Variants in MACROD2 observed in about 807,000 individuals in gnomAD.
MACROD2 encodes the protein ADP-ribose glycohydrolase MACROD2.
MACROD2 carries 36 observed loss-of-function variants against 70.4 expected under a neutral mutation model. The ratio of observed to expected loss-of-function variants is 0.51; its 90% confidence interval spans 0.39 to 0.68. The LOEUF (loss-of-function observed/expected upper bound fraction) is 0.68. MACROD2 is among the 30% of genes least tolerant of loss of function. The pLI, the probability that MACROD2 is intolerant of heterozygous loss-of-function variation, is 0.00. For synonymous variants in MACROD2, 172 were observed against 178.8 expected (o/e 0.96, Z 0.30); for missense variants, 496 against 538.4 (o/e 0.92, Z 0.78).
chr20:15,874,526 C>G (rs2064639145), intron 9 of MACROD2, among the ~76,000 whole-genome samples: 1 of 152,092 alleles, frequency 6.6e-6, no homozygotes, highest in African/African-American at 2.4e-5. Context: ...TTTACACTCC[C>G]ACCAACAGTG....
At chr20:14,048,088 C>T (rs930271720) in intron 2 of MACROD2, among the ~76,000 whole-genome samples, 12 of 151,338 alleles carry the variant, frequency 7.9e-5, no homozygotes, top group Admixed American at 3.3e-4. Flanking sequence ...GTATTGTTAA[C>T]GAACACCATG....
At chr20:14,090,270 T>C (rs750582443) in intron 3 of MACROD2, among the ~76,000 whole-genome samples, 9 of 152,144 alleles carry the variant, frequency 5.9e-5, no homozygotes, top group Admixed American at 6.5e-5. Context: ...TATTCCATTA[T>C]CATAAAAGAA....
chr20:14,144,561 G>C (rs2054920422), intron 3 of MACROD2, among the ~76,000 whole-genome samples: 1 of 152,214 alleles, frequency 6.6e-6, no homozygotes, highest in African/African-American at 2.4e-5. Context: ...AGGAAGGTAT[G>C]ATCCTATTGT....
intron 8 of MACROD2, among the ~76,000 whole-genome samples, chr20:15,854,126 C>T (rs1157159229): frequency 6.6e-6 from 1 of 152,086 alleles, no homozygotes; most frequent in Non-Finnish European, 1.5e-5. Context: ...GGTAGTCACT[C>T]TGTTGATTAG....
intron 6 of MACROD2, among the ~76,000 whole-genome samples, chr20:15,303,790 CAACACGCCAGTTCTG>C (rs2077670007): frequency 6.6e-6 from 1 of 152,086 alleles, no homozygotes; most frequent in African/African-American, 2.4e-5. Flanking sequence ...TAGTTTCTAC[CAACACGCCAGTTCTG>C]ATCACTCACA....
intron 10 of MACROD2, among the ~76,000 whole-genome samples, chr20:15,908,735 T>C (rs1038986939): frequency 2.0e-5 from 3 of 152,228 alleles, no homozygotes; most frequent in Admixed American, 2.0e-4. Context: ...TTTCTTTATC[T>C]CTCTTATTTC....
intron 3 of MACROD2, among the ~76,000 whole-genome samples, chr20:14,106,046 T>C (rs2054363601): frequency 6.6e-6 from 1 of 152,166 alleles, no homozygotes. Context: ...TTTCCAGCTG[T>C]GGTGGCTATG....
chr20:14,944,282 C>T (rs533080908), intron 5 of MACROD2, among the ~76,000 whole-genome samples: 4 of 152,206 alleles, frequency 2.6e-5, no homozygotes, highest in South Asian at 4.2e-4. Flanking sequence ...GAAAACTGGG[C>T]GTGCAACCCA....
chr20:14,329,650 TAAA>T (rs1385717730), intron 3 of MACROD2, among the ~76,000 whole-genome samples: 1 of 152,066 alleles, frequency 6.6e-6, no homozygotes, highest in Non-Finnish European at 1.5e-5. Context: ...ATAAAATGTT[TAAA>T]AAGAAGAAAA....
intron 6 of MACROD2, among the ~76,000 whole-genome samples, chr20:15,427,689 C>T (rs919377785): frequency 6.6e-6 from 1 of 152,148 alleles, no homozygotes; most frequent in Non-Finnish European, 1.5e-5. Flanking sequence ...GTGGCCAGGC[C>T]TTATACCACT....
chr20:14,118,792 C>T (rs928646421), intron 3 of MACROD2, among the ~76,000 whole-genome samples: 1 of 149,656 alleles, frequency 6.7e-6, no homozygotes, highest in Non-Finnish European at 1.5e-5. Context: ...TCCATTAGTT[C>T]AGTATTGAAC....
chr20:15,967,646 C>T lies in MACROD2; in HGVS notation c.985+16C>T. ...CATCCCGATGGTAGGTTGTGAAATC[C>T]TTTATTAGATTTTCTTTTCTTCTGC... On this transcript the variant is annotated intron_variant, in intron 13 of 17. Coordinates refer to ENST00000684519, the MANE Select transcript of MACROD2 (RefSeq NM_001351661.2). 1.7e-6 allele frequency: 2 copies of T among 1,205,808 alleles called. No individual in the cohort carries two copies. Among genetic ancestry groups the T allele is most frequent in the Non-Finnish European group, 1.2e-6 (1 of 867,698 alleles). The allele number at this position is 1,205,808 out of a possible 1,614,324, so 74.7% of individuals were successfully genotyped here.
intron 5 of MACROD2, among the ~76,000 whole-genome samples, chr20:14,873,855 G>C (rs1444732958): frequency 6.6e-6 from 1 of 151,940 alleles, no homozygotes; most frequent in Non-Finnish European, 1.5e-5. Context: ...ACAAAACTCT[G>C]TCTCAAAATA....
chr20:15,777,472 C>T (rs2051741630), intron 8 of MACROD2, among the ~76,000 whole-genome samples: 1 of 150,124 alleles, frequency 6.7e-6, no homozygotes, highest in Admixed American at 6.6e-5. Context: ...TGGTTAGTGA[C>T]AGAGCCAAGT....
Position 14,446,514 on chromosome 20 carries a change from GGAAGGAA to G in MACROD2, c.272-46964_272-46958del, listed in dbSNP as rs1456534513. Among the ~76,000 whole-genome samples the G allele has an allele frequency of 4.7e-4, 71 of 152,114 alleles. No individual in the cohort carries two copies. In the Middle Eastern group the frequency reaches 0.01, roughly 22 times the overall value. On this transcript the variant is annotated intron_variant, in intron 3 of 17. Coordinates refer to ENST00000684519, the MANE Select transcript of MACROD2 (RefSeq NM_001351661.2). ...CTTCTTGAGGAGCCAGGATGAACCT[GGAAGGAA>G]CTTTGGGACCCCATTTCAACTTCAA...
At chr20:15,884,326 A>G (rs1321506391) in intron 9 of MACROD2, among the ~76,000 whole-genome samples, 2 of 152,118 alleles carry the variant, frequency 1.3e-5, no homozygotes, top group African/African-American at 4.8e-5. Flanking sequence ...TAGCAGGACC[A>G]AGGCAGGTAG....
chr20:14,775,034 A>G (rs934057834), intron 5 of MACROD2, among the ~76,000 whole-genome samples: 3 of 152,120 alleles, frequency 2.0e-5, no homozygotes, highest in Non-Finnish European at 4.4e-5. Flanking sequence ...GTAAGAGTCT[A>G]TGTGTGTGCC....
intron 10 of MACROD2, among the ~76,000 whole-genome samples, chr20:15,929,821 A>C (rs541745424): frequency 1.5e-3 from 226 of 152,248 alleles, no homozygotes; most frequent in Non-Finnish European, 2.5e-3. Context: ...CTCTTATTTT[A>C]TTTCTATAAA....
At chr20:14,164,794 C>T (rs760294025) in intron 3 of MACROD2, among the ~76,000 whole-genome samples, 5 of 152,128 alleles carry the variant, frequency 3.3e-5, no homozygotes, top group East Asian at 1.9e-4. Flanking sequence ...TGGGGTTTGA[C>T]GCATCTGTAC....
Sources: allele counts gnomAD v4.1 joint callset (sites outside exome capture counted in the v4.1 genomes callset), GRCh38; gene constraint gnomAD v4.1.1; transcripts MANE v1.5; gene names NCBI Gene and HGNC (gene_info 2026-07-23, HGNC 2026-07-21).